Variants in MCTP1 observed in about 807,000 individuals in gnomAD.
The protein encoded by MCTP1 is multiple C2 and transmembrane domain-containing protein 1.
MCTP1 carries 69 observed loss-of-function variants against 120.6 expected under a neutral mutation model. The ratio of observed to expected loss-of-function variants is 0.57; its 90% CI spans 0.47 to 0.70. The LOEUF (loss-of-function observed/expected upper bound fraction) is 0.70, where lower values mean the gene tolerates loss of function less well. Ranked by LOEUF, MCTP1 falls within the 30% of genes least tolerant of loss-of-function variation. The pLI is 0.00. For missense variants in MCTP1, 1,203 were observed against 1,248.8 expected (o/e 0.96, Z 0.55); for synonymous variants, 529 against 493.1 (o/e 1.07, Z -0.96).
rs145171388 is a variant in MCTP1, at chr5:94,774,606, G to A, written c.2610+4504C>T. ...ACTCAGCCTGACTGCTACCTTGAAT[G>A]TGACACCCTGAGCAGAGAACCCAAC... On this transcript the variant is annotated intron_variant, in intron 19 of 22. Coordinates refer to ENST00000515393, the MANE Select transcript of MCTP1 (RefSeq NM_024717.7). 2.0e-3 allele frequency among the ~76,000 whole-genome samples: 310 copies of A among 152,238 alleles called. 4 individuals carry two copies. The highest frequency in any genetic ancestry group is 2.6e-4 in the Non-Finnish European group (18 of 68,014).
At chr5:94,940,384 ACCAGATGAATTTCTGC>A (rs1817287963) in intron 4 of MCTP1, among the ~76,000 whole-genome samples, 189 bp from the exon 5 acceptor site, 2 of 110,890 alleles carry the variant, frequency 1.8e-5, no homozygotes, top group Non-Finnish European at 1.9e-5. Flanking sequence ...ATCTGAATAC[ACCAGATGAATTTCTGC>A]TTTCTAAACC....
chr5:95,144,842 T>C (rs1413866048), intron 1 of MCTP1, among the ~76,000 whole-genome samples: 3 of 152,226 alleles, frequency 2.0e-5, no homozygotes, highest in Non-Finnish European at 2.9e-5. Context: ...GGTCACATAA[T>C]GCCTTTGACA....
chr5:95,247,519 T>A (rs896951505), intron 1 of MCTP1, among the ~76,000 whole-genome samples: 3 of 152,224 alleles, frequency 2.0e-5, no homozygotes, highest in African/African-American at 7.2e-5. Flanking sequence ...CTTTCTCTTG[T>A]GGGCATTTAG....
chr5:95,003,706 C>T (rs952631529), intron 2 of MCTP1, among the ~76,000 whole-genome samples: 3 of 152,174 alleles, frequency 2.0e-5, no homozygotes, highest in African/African-American at 7.2e-5. Context: ...CTGTGAGTTT[C>T]CTGAAGCTTC....
At chr5:94,897,949 A>T (rs1383448148) in intron 10 of MCTP1, among the ~76,000 whole-genome samples, 2 of 152,186 alleles carry the variant, frequency 1.3e-5, no homozygotes, top group African/African-American at 4.8e-5. Context: ...ATGCTTTAAA[A>T]ATATATATAA....
At chr5:95,171,556 C>T (rs529020238) in intron 1 of MCTP1, among the ~76,000 whole-genome samples, 8 of 152,300 alleles carry the variant, frequency 5.3e-5, no homozygotes, top group South Asian at 4.1e-4. Flanking sequence ...ACCAATCAGA[C>T]GTAGATTTGG....
intron 19 of MCTP1, among the ~76,000 whole-genome samples, chr5:94,717,502 GTAT>G: frequency 6.6e-6 from 1 of 152,076 alleles, no homozygotes; most frequent in South Asian, 2.1e-4. Context: ...ATTCAACATA[GTAT>G]TGGAAGTTCT....
intron 17 of MCTP1, among the ~76,000 whole-genome samples, chr5:94,857,603 G>C (rs1794949792): frequency 6.6e-6 from 1 of 151,572 alleles, no homozygotes; most frequent in African/African-American, 2.4e-5. Flanking sequence ...TACAAACTTT[G>C]AAGGACTGTG....
At chr5:95,222,862 G>T (rs1034359579) in intron 1 of MCTP1, among the ~76,000 whole-genome samples, 1 of 152,226 alleles carries the variant, frequency 6.6e-6, no homozygotes, top group African/African-American at 2.4e-5. Context: ...TATATTGAAA[G>T]AAATTTATTG....
At chr5:95,171,872 G>A (rs1273864960) in intron 1 of MCTP1, among the ~76,000 whole-genome samples, 10 of 151,820 alleles carry the variant, frequency 6.6e-5, no homozygotes, top group East Asian at 3.9e-4. Flanking sequence ...CCTTTAGCTC[G>A]GAGGAGTTTA....
chr5:95,079,339 C>A (rs1754363301), intron 1 of MCTP1, among the ~76,000 whole-genome samples: 1 of 152,046 alleles, frequency 6.6e-6, no homozygotes, highest in Non-Finnish European at 1.5e-5. Flanking sequence ...GATAGAAAAA[C>A]AAAATCAAAA....
intron 11 of MCTP1, among the ~76,000 whole-genome samples, chr5:94,892,774 G>T (rs1357039020): frequency 6.6e-6 from 1 of 152,102 alleles, no homozygotes; most frequent in Non-Finnish European, 1.5e-5. Context: ...GGAAAATATA[G>T]AAATAATTCT....
intron 1 of MCTP1, among the ~76,000 whole-genome samples, chr5:95,043,442 C>T (rs1842669669): frequency 6.6e-6 from 1 of 152,068 alleles, no homozygotes; most frequent in African/African-American, 2.4e-5. Context: ...CATGTGACTT[C>T]CTCCCTAACC....
At chr5:94,817,565 A>G (rs1031562281) in intron 17 of MCTP1, among the ~76,000 whole-genome samples, 3 of 152,214 alleles carry the variant, frequency 2.0e-5, no homozygotes, top group African/African-American at 7.2e-5. Context: ...TAAAAAGTAC[A>G]GTGCTGGTTT....
At chr5:94,755,691 A>C (rs1194180606) in intron 19 of MCTP1, among the ~76,000 whole-genome samples, 4 of 152,130 alleles carry the variant, frequency 2.6e-5, no homozygotes, top group African/African-American at 7.2e-5. Context: ...ACTCCTTTTC[A>C]GTATATGTTC....
At chr5:95,212,229 C>T (rs1395963395) in intron 1 of MCTP1, among the ~76,000 whole-genome samples, 1 of 152,200 alleles carries the variant, frequency 6.6e-6, no homozygotes, top group Non-Finnish European at 1.5e-5. Flanking sequence ...TCAGCGAATA[C>T]TACAAACACC....
intron 7 of MCTP1, among the ~76,000 whole-genome samples, chr5:94,918,555 A>T (rs1489810407): frequency 6.6e-6 from 1 of 152,158 alleles, no homozygotes; most frequent in African/African-American, 2.4e-5. Flanking sequence ...CACTACCAAG[A>T]CCAAGAGTAG....
intron 1 of MCTP1, among the ~76,000 whole-genome samples, chr5:95,143,269 A>T (rs941719032): frequency 6.6e-6 from 1 of 152,152 alleles, no homozygotes; most frequent in East Asian, 1.9e-4. Context: ...GTTTTAACAA[A>T]AATTTTTCCT....
intron 18 of MCTP1, among the ~76,000 whole-genome samples, chr5:94,795,480 T>A (rs1318092430): frequency 6.6e-6 from 1 of 152,238 alleles, no homozygotes; most frequent in Non-Finnish European, 1.5e-5. Context: ...CTCTCTACAG[T>A]AACTGTAATT....
Sources: gnomAD v4.1 joint callset for allele counts (sites outside exome capture counted in the v4.1 genomes callset) on GRCh38, gnomAD v4.1.1 for gene constraint, MANE v1.5 for transcripts, NCBI Gene and HGNC (gene_info 2026-07-23, HGNC 2026-07-21) for gene names.